PTPRN: variants seen among roughly 807,000 people sequenced by gnomAD.
PTPRN encodes protein tyrosine phosphatase receptor type N.
Under a neutral mutation model 108.5 loss-of-function variants are expected in PTPRN, and 70 were observed. That is an observed-to-expected ratio of 0.65 (90% CI 0.53 to 0.79). PTPRN has a LOEUF of 0.79. PTPRN is among the 30% of genes least tolerant of loss of function. The pLI is 0.00. For synonymous variants in PTPRN, 496 were observed against 524.6 expected (o/e 0.95, Z 0.75); for missense variants, 1,136 against 1,295.5 (o/e 0.88, Z 1.89).
chr2:219,304,209 A>G (rs1237675034), intron 3 of PTPRN: 3 of 157,252 alleles, frequency 1.9e-5, no homozygotes, highest in African/African-American at 4.8e-5. Context: ...GTGAACTTTT[A>G]ACAAATGCTA....
intron 5 of PTPRN, 29 bp from the exon 6 acceptor site, chr2:219,302,520 G>A (rs372789506): frequency 1.4e-5 from 22 of 1,613,794 alleles, no homozygotes; most frequent in Non-Finnish European, 1.9e-5. Flanking sequence ...CTGGGTAAGA[G>A]CAGAAGTCCG....
rs1559306437 is a variant in PTPRN at position 219,307,459 on chromosome 2, G to C, written c.265C>G (p.Gln89Glu). 6.2e-7 allele frequency: 1 copy of C among 1,614,024 alleles called. No individual in the cohort carries two copies. Among genetic ancestry groups the C allele is most frequent in the Admixed American group, 1.7e-5 (1 of 60,002 alleles). The stretch of plus-strand genomic sequence containing the variant: ...CAGACCTTACCTTGGGACATGAGTT[G>C]TCGGAGCACACCTTGTAAGCGTTGG... ...VLQRLQGVLR[Q>E]LMSQGLSWHD... is the part of the protein sequence containing the mutation. Residue 89 changes from glutamine to glutamate, a missense_variant, in exon 3 of 23, where the codon CAA becomes GAA. By Grantham distance (29) the Gln-to-Glu change is conservative. Transcript: ENST00000295718.
chr2:219,309,148 C>T (rs1260505963), intron 1 of PTPRN, 70 bp downstream of exon 1: 13 of 1,448,520 alleles, frequency 9.0e-6, no homozygotes, highest in Non-Finnish European at 1.0e-5. Context: ...CTCACCCCCA[C>T]CGAGTTTCGC....
chr2:219,297,410 GGCCA>G lies in PTPRN; in HGVS notation c.1907_1910del (p.Met636ThrfsTer18). ...CTGCCCGGTTGAACAAGGACTTCGT[GGCCA>G]TGTGCTGGCGGCACAGGTCCTGTGG... is the stretch of plus-strand genomic sequence containing the variant. On this transcript the variant is annotated frameshift_variant, in exon 14 of 23. Coordinates refer to ENST00000295718, the MANE Select transcript of PTPRN (RefSeq NM_002846.4). LOFTEE classifies it high-confidence loss of function. This position sits in a 1 kb window ranked among gnomAD's most constrained non-coding sequence, Gnocchi z 6.0. The G allele has an allele frequency of 6.2e-7, 1 of 1,614,106 alleles. No homozygotes were observed. Among genetic ancestry groups the G allele is most frequent in the Non-Finnish European group, 8.5e-7 (1 of 1,180,044 alleles).
rs1574921076 is a variant in PTPRN at position 219,298,921 on chromosome 2, C to G, written c.1668+126G>C. ...CGGGGAGGGGCTGCTTGGGCGAAGG[C>G]CGCCTCCAGCCAGCCGTGCCTACGG... On this transcript the variant is annotated intron_variant, in intron 12 of 22. Coordinates refer to ENST00000295718, the MANE Select transcript of PTPRN (RefSeq NM_002846.4). 81 of 1,142,744 alleles carry G rather than the reference C, an allele frequency of 7.1e-5. 2 individuals are homozygous for G. In the South Asian group the frequency reaches 7.3e-4, roughly 10 times the overall value. 70.8% of individuals were successfully genotyped at this position (1,142,744 alleles called of 1,614,324 possible).
chr2:219,300,440 A>C (rs895663411), intron 8 of PTPRN, 181 bp from the exon 9 acceptor site: 2 of 580,762 alleles, frequency 3.4e-6, no homozygotes, highest in Non-Finnish European at 5.8e-6. Context: ...TGGATGCATG[A>C]ATGAATAAAG....
intron 20 of PTPRN, 149 bp from the exon 21 acceptor site, chr2:219,291,039 T>A: frequency 1.4e-6 from 1 of 739,586 alleles, no homozygotes; most frequent in East Asian, 2.7e-5. Flanking sequence ...GAGCCGAGGA[T>A]GAAGGAAAGC....
Position 219,302,178 on chromosome 2 carries a change from C to T in PTPRN, c.953G>A (p.Gly318Glu). The T allele has an allele frequency of 6.2e-7, 1 of 1,607,546 alleles. No homozygotes were observed. Among genetic ancestry groups the T allele is most frequent in the Non-Finnish European group, 8.5e-7 (1 of 1,175,062 alleles). The change falls in exon 6 of 23, where the codon GGG becomes GAG. Residue 318 changes from glycine (G) to glutamate (E), a missense_variant. By Grantham distance (98) the Gly-to-Glu change is moderately conservative. Coordinates refer to ENST00000295718, the MANE Select transcript of PTPRN (RefSeq NM_002846.4). ...SPEGYEKEGL[G>E]DRGEKPASPA... The stretch of plus-strand genomic sequence containing the variant: ...GGAAGCAGGCTTCTCTCCACGATCC[C>T]CTAGTCCTTCCTTCTCATAGCCCTC...
chr2:219,289,980 A>G lies in PTPRN; in HGVS notation c.*246T>C, dbSNP rs1952016361. Reference sequence around the variant, plus strand: ...AAGGCTCTGGGTAGAATTGCTACCCATGTCCTTTCCTCTCCTCCTGGCTGC... The same window carrying G: ...AAGGCTCTGGGTAGAATTGCTACCCGTGTCCTTTCCTCTCCTCCTGGCTGC... On this transcript the variant is annotated 3_prime_UTR_variant, in exon 23 of 23. Transcript: ENST00000295718. 1.8e-6 allele frequency: 1 copy of G among 542,770 alleles called. No individual in the cohort carries two copies. The highest frequency in any genetic ancestry group is 3.3e-6 in the Non-Finnish European group (1 of 299,008). 33.6% of individuals were successfully genotyped at this position (542,770 alleles called of 1,614,324 possible).
chr2:219,305,942 G>A (rs1952474102), intron 3 of PTPRN, among the ~76,000 whole-genome samples: 1 of 152,160 alleles, frequency 6.6e-6, no homozygotes, highest in Admixed American at 6.5e-5. Flanking sequence ...TTGAGGTTAG[G>A]AGCTCAAGAC....
At chr2:219,299,940 C>T in intron 9 of PTPRN, 45 bp downstream of exon 9, 1 of 1,608,782 alleles carries the variant, frequency 6.2e-7, no homozygotes, top group Non-Finnish European at 8.5e-7. Context: ...GCAGGCCAGC[C>T]CAAATCCTAG....
rs376173326 is a variant in PTPRN at position 219,298,121 on chromosome 2, G to C, written c.1669-18C>G. On this transcript the variant is annotated intron_variant, in intron 12 of 22. Transcript: ENST00000295718. ...TCCTCCCTCTGTGGGAACAAGGCTA[G>C]AATCAAGGGAGGCAGTGGCATAGGG... 2.1e-5 allele frequency: 33 copies of C among 1,606,306 alleles called. No homozygotes were observed. Among genetic ancestry groups the C allele is most frequent in the Non-Finnish European group, 2.7e-5 (32 of 1,177,672 alleles).
rs1202940943 is a variant in PTPRN at position 219,300,085 on chromosome 2, C to T, written c.1336G>A (p.Glu446Lys). ...CTCTGGCCCAGTGGGCTTTTCTTCT[C>T]TAGCAGGACAGGTGTCACAGGGGGT... ...ARPPVTPVLL[E>K]KKSPLGQSQP... Residue 446 changes from glutamate to lysine, a missense_variant, in exon 9 of 23, where the codon GAG becomes AAG. Coordinates refer to ENST00000295718, the MANE Select transcript of PTPRN (RefSeq NM_002846.4). 6.2e-7 allele frequency: 1 copy of T among 1,614,210 alleles called. No homozygotes were observed. Among genetic ancestry groups the T allele is most frequent in the Non-Finnish European group, 8.5e-7 (1 of 1,180,036 alleles).
chr2:219,290,975 G>A lies in PTPRN; in HGVS notation c.2730-85C>T, dbSNP rs950229703. The A allele has an allele frequency of 2.2e-6, 3 of 1,359,740 alleles. No individual in the cohort carries two copies. The African/African-American group carries it at 4.3e-5, about 19-fold the overall frequency. 84.2% of individuals were successfully genotyped at this position (1,359,740 alleles called of 1,614,324 possible). On this transcript the variant is annotated intron_variant, in intron 20 of 22. Transcript: ENST00000295718. This position sits in a 1 kb window ranked among gnomAD's most constrained non-coding sequence, Gnocchi z 4.2. ...AGGAGGCGAGGAGGCCTGGAGGCCT[G>A]GGGGAGGGGAGGACACTGGGTGACC... is the stretch of plus-strand genomic sequence containing the variant.
chr2:219,292,434 T>A (rs1169955782), intron 19 of PTPRN: 1 of 152,198 alleles, frequency 6.6e-6, no homozygotes, highest in Non-Finnish European at 1.5e-5. Flanking sequence ...AGGGAAGACC[T>A]TCTTAGGGGT....
chr2:219,305,018 C>G (rs1370594206), intron 3 of PTPRN, among the ~76,000 whole-genome samples: 56 of 152,250 alleles, frequency 3.7e-4, no homozygotes, highest in Admixed American at 9.8e-4. Context: ...CTGCTCTCAT[C>G]AAGAGCAGCT....
In PTPRN at chr2:219,297,090, T is replaced by C. The variant is rs1308569210; in HGVS notation, c.2131A>G (p.Lys711Glu). ...DHLRNRDRLA[K>E]EWQALCAYQA... The stretch of plus-strand genomic sequence containing the variant: ...TAGGCACAGAGGGCCTGCCACTCCT[T>C]GGCAAGGCGGTCCCGGTTCCGCAGG... The change falls in exon 15 of 23, where the codon AAG becomes GAG. Residue 711 changes from lysine to glutamate, a missense_variant. Physicochemically the swap from Lys to Glu is moderately conservative, Grantham distance 56. Transcript: ENST00000295718. The surrounding 1 kb of genome is among the most constrained non-coding windows in gnomAD (Gnocchi z 6.0). The C allele has an allele frequency of 6.2e-7, 1 of 1,614,144 alleles. No individual in the cohort carries two copies. The highest frequency in any genetic ancestry group is 8.5e-7 in the Non-Finnish European group (1 of 1,180,024).
chr2:219,307,758 G>A (rs779209325), intron 2 of PTPRN, 34 bp downstream of exon 2: 2 of 1,609,306 alleles, frequency 1.2e-6, no homozygotes, highest in Non-Finnish European at 1.7e-6. Flanking sequence ...CTCTCCCCCC[G>A]ATCTTGTGAG....
chr2:219,300,375 G>A, intron 8 of PTPRN, 116 bp from the exon 9 acceptor site: 2 of 1,134,406 alleles, frequency 1.8e-6, no homozygotes, highest in Non-Finnish European at 2.4e-6. Flanking sequence ...CTACCCCCAG[G>A]GACCACTGCA....
Sources: gnomAD v4.1 joint callset for allele counts (sites outside exome capture counted in the v4.1 genomes callset) on GRCh38, gnomAD v4.1.1 for gene constraint, Gnocchi (gnomAD v3.1) non-coding constraint, MANE v1.5 for transcripts, NCBI Gene and HGNC (gene_info 2026-07-23, HGNC 2026-07-21) for gene names.